SASH1: variants seen among roughly 807,000 people sequenced by gnomAD.
SASH1 encodes SAM and SH3 domain-containing protein 1.
In SASH1, 44 loss-of-function variants were observed where a neutral mutation model predicts 125.2. That is an observed-to-expected ratio of 0.35 (90% CI 0.28 to 0.45). The LOEUF is 0.45. Ranked by LOEUF, SASH1 falls within the 20% of genes least tolerant of loss-of-function variation. The pLI, the probability that SASH1 is intolerant of heterozygous loss-of-function variation, is 1.00. For synonymous variants in SASH1, 639 were observed against 649.1 expected (o/e 0.98, Z 0.24); for missense variants, 1,426 against 1,614.5 (o/e 0.88, Z 2.00).
chr6:148,337,749 T>A (rs945057513), intron 1 of SASH1, among the ~76,000 whole-genome samples: 1 of 152,232 alleles, frequency 6.6e-6, no homozygotes, highest in Non-Finnish European at 1.5e-5. Context: ...TACACTTATC[T>A]GTGCAACAAT....
At chr6:148,253,007 T>C in the SASH1 span, among the ~76,000 whole-genome samples, 126 of 152,180 alleles carry the variant, frequency 8.3e-4, no homozygotes, top group Non-Finnish European at 1.5e-3. Flanking sequence ...TGGGGCAGCC[T>C]CGGCACACGT....
At chr6:148,214,430 A>G in the SASH1 span, among the ~76,000 whole-genome samples, 1 of 152,224 alleles carries the variant, frequency 6.6e-6, no homozygotes, top group African/African-American at 2.4e-5. Context: ...CTATATAACT[A>G]TAGGTAAGTT....
intron 2 of SASH1, among the ~76,000 whole-genome samples, chr6:148,432,035 A>G (rs1245527326): frequency 2.7e-5 from 4 of 149,824 alleles, no homozygotes; most frequent in African/African-American, 7.4e-5. Flanking sequence ...GAGTGCAGTG[A>G]CGCAATCTCG....
At chr6:148,464,543 G>A (rs905198665) in intron 4 of SASH1, among the ~76,000 whole-genome samples, 3 of 152,132 alleles carry the variant, frequency 2.0e-5, no homozygotes, top group Non-Finnish European at 2.9e-5. Context: ...TGGAGCTGAC[G>A]TCTGAGCATT....
At chr6:148,470,839 C>T (rs1778071177) in intron 5 of SASH1, among the ~76,000 whole-genome samples, 1 of 151,976 alleles carries the variant, frequency 6.6e-6, no homozygotes, top group Admixed American at 6.6e-5. Context: ...ATAGCAAGAC[C>T]CGTGCAGACC....
intron 1 of SASH1, among the ~76,000 whole-genome samples, chr6:148,389,525 T>G (rs1291650500): frequency 1.3e-5 from 2 of 152,212 alleles, no homozygotes; most frequent in East Asian, 1.9e-4. Context: ...TAATGAACAC[T>G]AATGACTAAA....
At chr6:148,301,153 C>T (rs1273006703) in intron 1 of SASH1, among the ~76,000 whole-genome samples, 1 of 151,474 alleles carries the variant, frequency 6.6e-6, no homozygotes, top group Non-Finnish European at 1.5e-5. Flanking sequence ...ATGGAGAAAC[C>T]CTGTCTCTAC....
At chr6:148,487,426 G>A (rs1197141200) in intron 7 of SASH1, among the ~76,000 whole-genome samples, 188 bp from the exon 8 acceptor site, 1 of 152,066 alleles carries the variant, frequency 6.6e-6, no homozygotes, top group Non-Finnish European at 1.5e-5. Flanking sequence ...TTTGGGAAAG[G>A]TGTCTTTGGC....
intron 2 of SASH1, among the ~76,000 whole-genome samples, chr6:148,408,140 CTTTTTTTT>C (rs35856337): frequency 8.4e-6 from 1 of 119,240 alleles, no homozygotes; most frequent in Non-Finnish European, 1.7e-5. Flanking sequence ...GGCATCTTTC[CTTTTTTTT>C]TTTTTTTTTT....
chr6:148,335,420 G>A lies in SASH1; in HGVS notation n.75-54714G>A, dbSNP rs549521897. Among the ~76,000 whole-genome samples, 657 of 143,996 alleles carry A rather than the reference G, an allele frequency of 4.6e-3. 6 individuals carry two copies. The highest frequency in any genetic ancestry group is 0.016 in the African/African-American group (628 of 38,392). The allele number at this position is 143,996 out of a possible 152,430, so 94.5% of individuals were successfully genotyped here. ...GTGGAGGTTGCAGTGAGCCGAGATCGCGCCATTGCACTCCAGCCTGGGCAA... is the reference window on the plus strand; with the variant it reads ...GTGGAGGTTGCAGTGAGCCGAGATCACGCCATTGCACTCCAGCCTGGGCAA... On this transcript the variant is annotated intron_variant and non_coding_transcript_variant, in intron 1 of 3. Transcript: ENST00000367469.
chr6:148,504,342 A>G (rs1779681882), intron 8 of SASH1, among the ~76,000 whole-genome samples: 1 of 152,122 alleles, frequency 6.6e-6, no homozygotes, highest in South Asian at 2.1e-4. Flanking sequence ...GTGGAGCACA[A>G]TGTACCAGAA....
At position 148,544,035 on chromosome 6, in the gene SASH1, C is replaced by T. The variant is rs746427995; in HGVS notation, c.2565C>T (p.Thr855=). Reference sequence around the variant, plus strand: ...CTGGTGCTGAGCAAGACGTGCCTACCGAGGTGACAGAACCGCCCCCTCAGA... The same window carrying T: ...CTGGTGCTGAGCAAGACGTGCCTACTGAGGTGACAGAACCGCCCCCTCAGA... ...VEPGAEQDVP[T]EVTEPPPQIV... The change falls in exon 18 of 20, where the codon ACC becomes ACT. Residue 855 remains threonine, a synonymous_variant. Transcript: ENST00000367467. This position sits in a 1 kb window ranked among gnomAD's most constrained non-coding sequence, Gnocchi z 6.4. 45 of 1,613,974 alleles carry T rather than the reference C, an allele frequency of 2.8e-5. No individual in the cohort carries two copies. The Admixed American group carries it at 6.2e-4, about 22-fold the overall frequency.
chr6:148,391,888 C>T (rs1402133969), intron 2 of SASH1, among the ~76,000 whole-genome samples: 1 of 152,188 alleles, frequency 6.6e-6, no homozygotes, highest in African/African-American at 2.4e-5. Context: ...AATGTTCAAC[C>T]CTCTGTCTCC....
intron 2 of SASH1, 21 bp from the exon 3 acceptor site, chr6:148,440,163 C>G (rs766286630): frequency 1.2e-6 from 2 of 1,613,346 alleles, no homozygotes; most frequent in Non-Finnish European, 1.7e-6. Flanking sequence ...TCCCGTTAAA[C>G]TGGCATCTGT....
chr6:148,407,152 T>A (rs1238402703), intron 2 of SASH1, among the ~76,000 whole-genome samples: 1 of 152,208 alleles, frequency 6.6e-6, no homozygotes, highest in Non-Finnish European at 1.5e-5. Context: ...TAATCACATG[T>A]TGTTCCACCA....
intron 1 of SASH1, among the ~76,000 whole-genome samples, chr6:148,360,708 A>T (rs553008277): frequency 9.3e-5 from 14 of 151,188 alleles, no homozygotes; most frequent in Admixed American, 8.0e-4. Flanking sequence ...ACCTAGTAAT[A>T]AGAGTAAGGA....
chr6:148,285,840 G>A (rs1472366240), intron 1 of SASH1, among the ~76,000 whole-genome samples: 1 of 152,072 alleles, frequency 6.6e-6, no homozygotes, highest in Non-Finnish European at 1.5e-5. Flanking sequence ...TTATAGATTT[G>A]GTGATCTACA....
intron 1 of SASH1, among the ~76,000 whole-genome samples, chr6:148,273,427 G>A (rs1345079209): frequency 6.6e-6 from 1 of 151,016 alleles, no homozygotes; most frequent in Non-Finnish European, 1.5e-5. Flanking sequence ...CTGAGTAGCT[G>A]GGATTACAGG....
At chr6:148,350,080 C>T (rs573965514) in intron 1 of SASH1, among the ~76,000 whole-genome samples, 112 of 151,908 alleles carry the variant, frequency 7.4e-4, no homozygotes, top group Non-Finnish European at 7.9e-4. Flanking sequence ...CTCCTGACCT[C>T]GTGATCCACT....
Sources: gnomAD v4.1 joint callset for allele counts (sites outside exome capture counted in the v4.1 genomes callset) on GRCh38, gnomAD v4.1.1 for gene constraint, Gnocchi (gnomAD v3.1) non-coding constraint, MANE v1.5 for transcripts, NCBI Gene and HGNC (gene_info 2026-07-23, HGNC 2026-07-21) for gene names.